Variants in ZNF276 observed in about 807,000 individuals in gnomAD.
ZNF276 encodes centromere protein Z.
Under a neutral mutation model 63.9 loss-of-function variants are expected in ZNF276, and 59 were observed. That is an observed-to-expected ratio of 0.92 (90% CI 0.75 to 1.15). The LOEUF is 1.15. ZNF276 is among the 50% of genes most tolerant of loss of function. ZNF276 has a pLI of 0.00. For missense variants in ZNF276, 1,084 were observed against 843.8 expected, an observed-to-expected ratio of 1.28 and a Z score of -3.53; for synonymous variants, 496 against 348.4, an observed-to-expected ratio of 1.42 and a Z score of -4.72.
intron 9 of ZNF276, among the ~76,000 whole-genome samples, chr16:89,736,038 C>A (rs2061867175): frequency 6.6e-6 from 1 of 151,344 alleles, no homozygotes; most frequent in South Asian, 2.1e-4. Flanking sequence ...ACTACAGGTG[C>A]TGGCCACCAC....
chr16:89,738,101 A>G lies in ZNF276; in HGVS notation c.1700A>G (p.His567Arg). 2 of 1,614,004 alleles carry G rather than the reference A, an allele frequency of 1.2e-6. No individual in the cohort carries two copies. Among genetic ancestry groups the G allele is most frequent in the Non-Finnish European group, 1.7e-6 (2 of 1,180,046 alleles). The change falls in exon 11 of 11, where the codon CAC (histidine) becomes CGC (arginine). Residue 567 changes from histidine (H) to arginine (R), a missense_variant. Physicochemically the swap from His to Arg is conservative, Grantham distance 29. Transcript: ENST00000443381. ...TGTGGCCGGCGGTTTGAGAAGGCCC[A>G]CAACCTCAATGTACACATGTCCATG... Reference protein sequence around the residue: ...DQCGRRFEKAHNLNVHMSMVH... With the variant: ...DQCGRRFEKARNLNVHMSMVH...
rs1374038822 is a variant in ZNF276 at position 89,739,796 on chromosome 16, T to C, written c.*1550T>C. ...GAGGCAGTCCCCATGATAGGCCCATTGGTCCTGGGGTTGACCAGTGAGCCA... is the reference window on the plus strand; with the variant it reads ...GAGGCAGTCCCCATGATAGGCCCATCGGTCCTGGGGTTGACCAGTGAGCCA... On this transcript the variant is annotated 3_prime_UTR_variant, in exon 11 of 11. Coordinates refer to ENST00000443381, the MANE Select transcript of ZNF276 (RefSeq NM_001113525.2). 1.4e-6 allele frequency: 2 copies of C among 1,467,240 alleles called. No homozygotes were observed. Among genetic ancestry groups the C allele is most frequent in the East Asian group, 2.5e-5 (1 of 40,452 alleles). 90.9% of individuals were successfully genotyped at this position (1,467,240 alleles called of 1,614,324 possible).
At chr16:89,725,702 A>T (rs558208831) in intron 4 of ZNF276, among the ~76,000 whole-genome samples, 12 of 152,138 alleles carry the variant, frequency 7.9e-5, no homozygotes, top group Admixed American at 7.8e-4. Flanking sequence ...GAGGCAGGAG[A>T]ATCGCTTGAC....
intron 9 of ZNF276, among the ~76,000 whole-genome samples, chr16:89,734,777 G>C (rs1210826177): frequency 1.3e-5 from 2 of 152,230 alleles, no homozygotes; most frequent in Non-Finnish European, 2.9e-5. Context: ...AATTATGACT[G>C]AGGGTGCTGT....
At position 89,738,200 on chromosome 16, in the gene ZNF276, C is replaced by T. The variant is rs753395786; in HGVS notation, c.1799C>T (p.Pro600Leu). The T allele has an allele frequency of 3.7e-6, 6 of 1,611,414 alleles. No individual in the cohort carries two copies. Among genetic ancestry groups the T allele is most frequent in the Non-Finnish European group, 3.4e-6 (4 of 1,179,178 alleles). Reference protein sequence around the residue: ...EAEPPPGPPSPSVTTEGQAVK... With the variant: ...EAEPPPGPPSLSVTTEGQAVK... ...GAACCACCACCTGGGCCACCGAGCC[C>T]CTCTGTGACCACAGAGGGCCAGGCG... Residue 600 changes from proline (P) to leucine (L), a missense_variant, in exon 11 of 11, where the codon CCC becomes CTC. Coordinates refer to ENST00000443381, the MANE Select transcript of ZNF276 (RefSeq NM_001113525.2).
At chr16:89,720,626 G>T (rs1437818168), upstream of ZNF276, 7 of 1,225,914 alleles carry the variant, frequency 5.7e-6, no homozygotes, top group Non-Finnish European at 7.1e-6. Context: ...CCTCGCCCGG[G>T]AACCGCGGCC....
At position 89,722,819 on chromosome 16, in the gene ZNF276, G is replaced by A. The variant is rs774948509; in HGVS notation, c.494G>A (p.Arg165Gln). The change falls in exon 2 of 11, where the codon CGG becomes CAG. Residue 165 changes from arginine (R) to glutamine (Q), a missense_variant. By Grantham distance (43) the Arg-to-Gln change is conservative. Coordinates refer to ENST00000443381, the MANE Select transcript of ZNF276 (RefSeq NM_001113525.2). ...GTCAACGCCTCCCCGGCTGGTCGCC[G>A]GAAGCCTTGTGCAAAGTACGCCCTA... ...QRVNASPAGR[R>Q]KPCAKVGAQP... The A allele has an allele frequency of 1.9e-6, 3 of 1,602,950 alleles. No individual in the cohort carries two copies. Among genetic ancestry groups the A allele is most frequent in the South Asian group, 1.1e-5 (1 of 91,074 alleles).
rs1415722742 is a variant in ZNF276, at chr16:89,740,279, GGAGGCCAGGGACTTCGAGC to G, written c.*2034_*2052del. On this transcript the variant is annotated 3_prime_UTR_variant, in exon 11 of 11. Coordinates refer to ENST00000443381, the MANE Select transcript of ZNF276 (RefSeq NM_001113525.2). ...CCTCTGGACAGAAGAGGCTCAGGTA[GGAGGCCAGGGACTTCGAGC>G]ACCCACACCAAGGCTGCTGCACCAC... 4.4e-5 allele frequency: 28 copies of G among 631,116 alleles called. No individual in the cohort carries two copies. The highest frequency in any genetic ancestry group is 7.3e-5 in the African/African-American group (4 of 54,804). The allele number at this position is 631,116 out of a possible 1,614,324, so 39.1% of individuals were successfully genotyped here. A position where few individuals can be genotyped will look rare whatever the true frequency, so the allele number is the denominator to read the frequency against.
intron 9 of ZNF276, 162 bp from the exon 10 acceptor site, chr16:89,737,635 TTTAAAGATC>T: frequency 7.5e-7 from 1 of 1,330,700 alleles, no homozygotes; most frequent in Admixed American, 2.8e-5. Context: ...TATAAAGCAG[TTTAAAGATC>T]TTAATAAACG....
In ZNF276 at chr16:89,740,166, G is replaced by A; in HGVS notation, c.*1920G>A. 8.0e-7 allele frequency: 1 copy of A among 1,244,612 alleles called. No individual in the cohort carries two copies. Among genetic ancestry groups the A allele is most frequent in the South Asian group, 1.2e-5 (1 of 83,548 alleles). 77.1% of individuals were successfully genotyped at this position (1,244,612 alleles called of 1,614,324 possible). On this transcript the variant is annotated 3_prime_UTR_variant, in exon 11 of 11. Transcript: ENST00000443381. ...GTGCTCCCATGGGTAGGAGGGTACA[G>A]CCCTCAGCACAGAAGAGGGCATTTC... is the stretch of plus-strand genomic sequence containing the variant.
At chr16:89,733,015 CTGCTGTGTTTGCCCTG>C (rs2061722870) in intron 6 of ZNF276, 2 of 298,208 alleles carry the variant, frequency 6.7e-6, no homozygotes, top group African/African-American at 2.3e-5. Context: ...CCCTCGCCCT[CTGCTGTGTTTGCCCTG>C]ACCCTGCTGT....
rs149934844 is a variant in ZNF276 at position 89,736,058 on chromosome 16, A to C, written c.1475-1748A>C. On this transcript the variant is annotated intron_variant, in intron 9 of 10. Coordinates refer to ENST00000443381, the MANE Select transcript of ZNF276 (RefSeq NM_001113525.2). ...AGGTGCTGGCCACCACACCCAACTA[A>C]TTTTTCGTATTTTCAGTACAGACGG... is the stretch of plus-strand genomic sequence containing the variant. Among the ~76,000 whole-genome samples the C allele has an allele frequency of 2.0e-3, 302 of 151,470 alleles. 2 individuals carry two copies. The highest frequency in any genetic ancestry group is 6.8e-3 in the African/African-American group (279 of 41,294).
chr16:89,733,705 GC>G lies in ZNF276; in HGVS notation c.1356+150del, dbSNP rs2061752032. 5 of 992,528 alleles carry G rather than the reference GC, an allele frequency of 5.0e-6. No homozygotes were observed. The South Asian group carries it at 6.0e-5, about 12-fold the overall frequency. The allele number at this position is 992,528 out of a possible 1,614,324, so 61.5% of individuals were successfully genotyped here. ...GAGACCTGAAGCAGTCCTAGCCAGT[GC>G]CATCCTTGGGGGTAGATGTGAGGCC... is the stretch of plus-strand genomic sequence containing the variant. On this transcript the variant is annotated intron_variant, in intron 8 of 10. Transcript: ENST00000443381.
Position 89,722,819 on chromosome 16 carries a change from G to T in ZNF276, c.494G>T (p.Arg165Leu), listed in dbSNP as rs774948509. ...QRVNASPAGR[R>L]KPCAKVGAQP... ...GTCAACGCCTCCCCGGCTGGTCGCCGGAAGCCTTGTGCAAAGTACGCCCTA... is the reference window on the plus strand; with the variant it reads ...GTCAACGCCTCCCCGGCTGGTCGCCTGAAGCCTTGTGCAAAGTACGCCCTA... Residue 165 changes from arginine to leucine, a missense_variant, in exon 2 of 11, where the codon CGG (arginine) becomes CTG (leucine). Arg to Leu is a moderately radical substitution (Grantham distance 102). Coordinates refer to ENST00000443381, the MANE Select transcript of ZNF276 (RefSeq NM_001113525.2). The T allele has an allele frequency of 6.2e-7, 1 of 1,603,068 alleles. No homozygotes were observed. The highest frequency in any genetic ancestry group is 1.7e-5 in the Admixed American group (1 of 60,010).
chr16:89,721,523 T>TCCGCCCCTCCCCCGCC, upstream of ZNF276: 3 of 993,250 alleles, frequency 3.0e-6, no homozygotes, highest in Non-Finnish European at 4.1e-6. Context: ...TGCTTCTCGC[T>TCCGCCCCTCCCCCGCC]CCGCCCCTCC....
Position 89,738,807 on chromosome 16 carries a change from A to G in ZNF276, c.*561A>G, listed in dbSNP as rs559788532. On this transcript the variant is annotated 3_prime_UTR_variant, in exon 11 of 11. Transcript: ENST00000443381. ...AAATAGTCGAGTTGTATTGCCAGCC[A>G]GGCAGGCACATGGCCCAGGCAGCTG... 11 of 1,613,844 alleles carry G rather than the reference A, an allele frequency of 6.8e-6. No homozygotes were observed. The African/African-American group carries it at 1.1e-4, about 16-fold the overall frequency.
chr16:89,736,828 C>T (rs990170757), intron 9 of ZNF276, among the ~76,000 whole-genome samples: 2 of 149,596 alleles, frequency 1.3e-5, no homozygotes, highest in Non-Finnish European at 1.5e-5. Context: ...TCCCTTGAAC[C>T]TGGGAGGTGG....
intron 4 of ZNF276, among the ~76,000 whole-genome samples, chr16:89,725,576 G>C (rs939708181): frequency 6.6e-6 from 1 of 151,854 alleles, no homozygotes; most frequent in Non-Finnish European, 1.5e-5. Flanking sequence ...CGGATCACGG[G>C]GTCAGGAGAT....
rs1311274808 is a variant in ZNF276 at position 89,737,967 on chromosome 16, G to A, written c.1575-9G>A. 3.1e-6 allele frequency: 5 copies of A among 1,614,098 alleles called. No individual in the cohort carries two copies. Among genetic ancestry groups the A allele is most frequent in the Non-Finnish European group, 4.2e-6 (5 of 1,179,990 alleles). ...CCCTCGCACCTTCTTATCTGCCTCT[G>A]TCCCCCAGGTGTGAGGTCTGTGGGT... On this transcript the variant is annotated splice_polypyrimidine_tract_variant and intron_variant, in intron 10 of 10. Coordinates refer to ENST00000443381, the MANE Select transcript of ZNF276 (RefSeq NM_001113525.2).
Sources: allele counts gnomAD v4.1 joint callset (sites outside exome capture counted in the v4.1 genomes callset), GRCh38; gene constraint gnomAD v4.1.1; transcripts MANE v1.5; gene names NCBI Gene and HGNC (gene_info 2026-07-23, HGNC 2026-07-21).